Variants in MYO16 observed in about 807,000 individuals in gnomAD.
MYO16 encodes unconventional myosin-XVI.
In MYO16, 94 loss-of-function variants were observed where a neutral mutation model predicts 205.3. The observed-to-expected ratio is 0.46, with a 90% CI of 0.39 to 0.54. The LOEUF is 0.54. MYO16 is among the 20% of genes least tolerant of loss of function. The pLI is 0.00. For missense variants in MYO16, 2,315 were observed against 2,387.5 expected (o/e 0.97, Z 0.63); for synonymous variants, 988 against 954.0 (o/e 1.04, Z -0.66).
intron 16 of MYO16, 53 bp downstream of exon 16, chr13:108,910,203 C>A: frequency 1.3e-6 from 2 of 1,537,944 alleles, no homozygotes; most frequent in Non-Finnish European, 1.8e-6. Flanking sequence ...ATTGTGATTG[C>A]AATTTGGTAG....
chr13:108,518,670 G>A, the MYO16 span, among the ~76,000 whole-genome samples: 1 of 152,106 alleles, frequency 6.6e-6, no homozygotes, highest in Non-Finnish European at 1.5e-5. Flanking sequence ...ATTACTACTT[G>A]AAGAAGTGAT....
At chr13:108,708,735 G>A (rs1883610730) in intron 2 of MYO16, among the ~76,000 whole-genome samples, 1 of 152,166 alleles carries the variant, frequency 6.6e-6, no homozygotes, top group Non-Finnish European at 1.5e-5. Flanking sequence ...TTGCTATGCA[G>A]TCACATGTCC....
At chr13:108,545,350 C>T in the MYO16 span, among the ~76,000 whole-genome samples, 19 of 152,172 alleles carry the variant, frequency 1.2e-4, no homozygotes, top group South Asian at 8.3e-4. Flanking sequence ...TTTTTTATGG[C>T]GGCATAGTAT....
chr13:108,898,351 AGTGTGTGTGTGTGTGT>A (rs3042037), intron 15 of MYO16, among the ~76,000 whole-genome samples: 1 of 144,990 alleles, frequency 6.9e-6, no homozygotes, highest in Non-Finnish European at 1.5e-5. Flanking sequence ...AGGGTGTGTG[AGTGTGTGTGTGTGTGT>A]GTGTGTGTGT....
intron 18 of MYO16, among the ~76,000 whole-genome samples, chr13:108,962,114 T>C (rs1883610456): frequency 6.6e-6 from 1 of 152,324 alleles, no homozygotes; most frequent in African/African-American, 2.4e-5. Context: ...GGAAACAACA[T>C]ATCTTCACCT....
intron 23 of MYO16, among the ~76,000 whole-genome samples, chr13:109,042,110 C>T (rs1027058586): frequency 1.1e-4 from 16 of 152,128 alleles, no homozygotes; most frequent in Non-Finnish European, 1.6e-4. Flanking sequence ...GTGATCCACC[C>T]GCCTCGGCCT....
the MYO16 span, among the ~76,000 whole-genome samples, chr13:108,542,090 A>G: frequency 3.3e-5 from 5 of 152,240 alleles, no homozygotes; most frequent in African/African-American, 7.2e-5. Flanking sequence ...GACTGGATAA[A>G]GAAAATGTGG....
intron 34 of MYO16, among the ~76,000 whole-genome samples, chr13:109,187,709 G>A (rs1432179332): frequency 1.3e-5 from 2 of 152,220 alleles, no homozygotes; most frequent in East Asian, 3.8e-4. Context: ...CCTATGATCT[G>A]AGGGTATGCC....
At chr13:108,912,373 G>A (rs528621343) in intron 16 of MYO16, among the ~76,000 whole-genome samples, 1 of 152,234 alleles carries the variant, frequency 6.6e-6, no homozygotes, top group African/African-American at 2.4e-5. Flanking sequence ...AAGAAAGACT[G>A]TTTTAGGGTT....
intron 4 of MYO16, among the ~76,000 whole-genome samples, chr13:108,731,885 C>T (rs1884534588): frequency 6.6e-6 from 1 of 152,072 alleles, no homozygotes; most frequent in African/African-American, 2.4e-5. Flanking sequence ...ATATTTTATA[C>T]TCTAATGGTG....
intron 4 of MYO16, among the ~76,000 whole-genome samples, chr13:108,767,252 G>A (rs533287057): frequency 5.7e-4 from 86 of 151,976 alleles, no homozygotes; most frequent in Middle Eastern, 3.4e-3. Flanking sequence ...ACAGGCGCCC[G>A]CCACCATGCC....
In MYO16 at chr13:108,676,915, C is replaced by G. The variant is rs146274124; in HGVS notation, c.292+10766C>G. On this transcript the variant is annotated intron_variant, in intron 2 of 34. Coordinates refer to ENST00000457511, the MANE Select transcript of MYO16 (RefSeq NM_001198950.3). ...CTCCTCTCCCCTGCGGAGCCCTCCC[C>G]GACATCCTCAGGTGAAACACACGAA... 9.6e-3 allele frequency among the ~76,000 whole-genome samples: 1,466 copies of G among 152,260 alleles called. 15 individuals are homozygous for G. Among genetic ancestry groups the G allele is most frequent in the South Asian group, 0.035 (170 of 4,814 alleles).
At position 108,679,181 on chromosome 13, in the gene MYO16, G is replaced by A. The variant is rs1594202790; in HGVS notation, c.292+13032G>A. Among the ~76,000 whole-genome samples, 3 of 152,184 alleles carry A rather than the reference G, an allele frequency of 2.0e-5. No homozygotes were observed. In the East Asian group the frequency reaches 5.8e-4, roughly 29 times the overall value. Reference sequence around the variant, plus strand: ...CTGCCTTGGGGTCTTTGTACTTGCTGACCCAGATTCTGCATGGATCACCAT... The same window carrying A: ...CTGCCTTGGGGTCTTTGTACTTGCTAACCCAGATTCTGCATGGATCACCAT... On this transcript the variant is annotated intron_variant, in intron 2 of 34. Coordinates refer to ENST00000457511, the MANE Select transcript of MYO16 (RefSeq NM_001198950.3).
At chr13:108,686,040 C>T (rs1882663192) in intron 2 of MYO16, among the ~76,000 whole-genome samples, 1 of 152,162 alleles carries the variant, frequency 6.6e-6, no homozygotes, top group Non-Finnish European at 1.5e-5. Flanking sequence ...CCCATAGACC[C>T]AGAGCAGGAG....
At chr13:108,521,266 A>G in the MYO16 span, among the ~76,000 whole-genome samples, 2 of 152,256 alleles carry the variant, frequency 1.3e-5, no homozygotes, top group African/African-American at 2.4e-5. Flanking sequence ...ACTAGAATAG[A>G]TAAGGAGACT....
At chr13:108,582,847 A>T in the MYO16 span, among the ~76,000 whole-genome samples, 1 of 152,166 alleles carries the variant, frequency 6.6e-6, no homozygotes, top group Non-Finnish European at 1.5e-5. Flanking sequence ...GTACTCCTGG[A>T]AGGTGGAGAA....
intron 2 of MYO16, among the ~76,000 whole-genome samples, chr13:108,667,380 A>C (rs1402349072): frequency 6.6e-6 from 1 of 150,564 alleles, no homozygotes; most frequent in African/African-American, 2.5e-5. Context: ...TTGAGCTGGA[A>C]AGTACCTAAA....
intron 1 of MYO16, among the ~76,000 whole-genome samples, chr13:108,645,065 G>A (rs1192022700): frequency 1.3e-5 from 2 of 152,114 alleles, no homozygotes; most frequent in Non-Finnish European, 2.9e-5. Context: ...TCAGGGGTGG[G>A]GACAAGACAA....
the MYO16 span, among the ~76,000 whole-genome samples, chr13:108,507,224 A>G: frequency 6.6e-6 from 1 of 152,078 alleles, no homozygotes; most frequent in Non-Finnish European, 1.5e-5. Context: ...AGATCTTTAT[A>G]TTTTTACAGG....
Sources: gnomAD v4.1 joint callset for allele counts (sites outside exome capture counted in the v4.1 genomes callset) on GRCh38, gnomAD v4.1.1 for gene constraint, MANE v1.5 for transcripts, NCBI Gene and HGNC (gene_info 2026-07-23, HGNC 2026-07-21) for gene names.